ANK3: variants seen among roughly 807,000 people sequenced by gnomAD.
ANK3 encodes ankyrin-3.
ANK3 carries 57 observed loss-of-function variants against 370.9 expected under a neutral mutation model. That is an observed-to-expected ratio of 0.15 (90% CI 0.12 to 0.19). The LOEUF (loss-of-function observed/expected upper bound fraction) is 0.19. Among genes scored for constraint, ANK3 ranks in the 10% least tolerant of loss-of-function variants. ANK3 has a pLI of 1.00. For missense variants in ANK3, 4,439 were observed against 5,302.1 expected, an observed-to-expected ratio of 0.84 and a Z score of 5.06; for synonymous variants, 1,929 against 1,946.3, an observed-to-expected ratio of 0.99 and a Z score of 0.23.
intron 1 of ANK3, among the ~76,000 whole-genome samples, chr10:60,297,628 CTT>C (rs1476158685): frequency 1.3e-5 from 2 of 151,952 alleles, no homozygotes; most frequent in Non-Finnish European, 2.9e-5. Context: ...CTAAAAATGT[CTT>C]AACATTATAA....
intron 1 of ANK3, among the ~76,000 whole-genome samples, chr10:60,703,701 T>C (rs1203253620): frequency 3.9e-5 from 6 of 152,214 alleles, no homozygotes. Context: ...GCTATGTATC[T>C]ACCACCTAGT....
intron 41 of ANK3, 138 bp from the exon 42 acceptor site, chr10:60,056,174 T>G: frequency 1.8e-6 from 2 of 1,081,934 alleles, no homozygotes; most frequent in Non-Finnish European, 2.6e-6. Context: ...GTGTGGCCAC[T>G]GGATTTAAAA....
chr10:60,233,135 T>C (rs1319536261), intron 8 of ANK3, among the ~76,000 whole-genome samples: 1 of 152,238 alleles, frequency 6.6e-6, no homozygotes, highest in African/African-American at 2.4e-5. Flanking sequence ...CTCTGAGATA[T>C]ACTAGCAGTG....
chr10:60,579,326 T>TAAAAAAAAAA (rs763281984), intron 2 of ANK3, among the ~76,000 whole-genome samples: 1 of 69,022 alleles, frequency 1.4e-5, no homozygotes, highest in African/African-American at 6.0e-5. Flanking sequence ...TCTCTCTCAA[T>TAAAAAAAAAA]AAAAAAAAAA....
intron 23 of ANK3, among the ~76,000 whole-genome samples, chr10:60,146,563 A>G (rs2094834857): frequency 1.3e-5 from 2 of 152,076 alleles, no homozygotes; most frequent in Admixed American, 6.6e-5. Context: ...ATCTTGGCTC[A>G]CTGCAACCTC....
intron 27 of ANK3, among the ~76,000 whole-genome samples, chr10:60,107,129 G>T (rs1590087906): frequency 6.6e-6 from 1 of 151,952 alleles, no homozygotes; most frequent in African/African-American, 2.4e-5. Flanking sequence ...TGATAAATAT[G>T]GTCATTTTGC....
intron 23 of ANK3, among the ~76,000 whole-genome samples, chr10:60,150,243 C>T (rs1377841413): frequency 6.6e-6 from 1 of 152,138 alleles, no homozygotes; most frequent in East Asian, 1.9e-4. Flanking sequence ...CCCTTGTCCC[C>T]ACTCCTGTGT....
At chr10:60,631,170 C>T (rs1049448245) in intron 1 of ANK3, among the ~76,000 whole-genome samples, 1 of 152,074 alleles carries the variant, frequency 6.6e-6, no homozygotes, top group Non-Finnish European at 1.5e-5. Context: ...GTAATCAGGG[C>T]TCTATTTTGT....
intron 2 of ANK3, among the ~76,000 whole-genome samples, chr10:60,492,802 C>A (rs2075552839): frequency 6.7e-6 from 1 of 149,718 alleles, no homozygotes; most frequent in South Asian, 2.1e-4. Flanking sequence ...CTGAGCCGGG[C>A]GTGGTGGCTC....
At chr10:60,423,942 A>AT (rs982988595) in intron 2 of ANK3, among the ~76,000 whole-genome samples, 12 of 152,204 alleles carry the variant, frequency 7.9e-5, no homozygotes, top group Admixed American at 7.9e-4. Flanking sequence ...AATAAAGTTA[A>AT]TTTTGAGATT....
At chr10:60,677,788 A>G (rs2079145300) in intron 1 of ANK3, among the ~76,000 whole-genome samples, 1 of 150,898 alleles carries the variant, frequency 6.6e-6, no homozygotes, top group Non-Finnish European at 1.5e-5. Context: ...ACTACCCAAA[A>G]AAAAAAAAAA....
chr10:60,343,450 A>C (rs1231717089), intron 1 of ANK3, among the ~76,000 whole-genome samples: 1 of 152,182 alleles, frequency 6.6e-6, no homozygotes, highest in Non-Finnish European at 1.5e-5. Flanking sequence ...AATTTCAAAA[A>C]ACTAAGTGAT....
intron 2 of ANK3, among the ~76,000 whole-genome samples, chr10:60,450,338 G>A (rs372984875): frequency 3.9e-5 from 6 of 152,136 alleles, no homozygotes; most frequent in East Asian, 1.9e-4. Flanking sequence ...TCTGATTTGC[G>A]GTGTTTGCCA....
chr10:60,605,137 G>T (rs926365338), intron 2 of ANK3, among the ~76,000 whole-genome samples: 4 of 152,128 alleles, frequency 2.6e-5, no homozygotes, highest in African/African-American at 9.7e-5. Context: ...CATTTTAAAA[G>T]CTTGAGCCTG....
At chr10:60,653,911 T>C (rs1438109462) in intron 1 of ANK3, among the ~76,000 whole-genome samples, 5 of 152,178 alleles carry the variant, frequency 3.3e-5, no homozygotes, top group South Asian at 4.1e-4. Context: ...TTGAAATGTT[T>C]ATGGGCATTG....
Position 60,279,565 on chromosome 10 carries a change from A to C in ANK3, c.189T>G (p.Asn63Lys). ...GATTGCAAATGTTGATGTCAACTCC[A>C]TTTTTTATGTAGTCGAGGGCCTTTT... ...HLEKALDYIKNGVDINICNQN... is the reference protein window; with the variant it reads ...HLEKALDYIKKGVDINICNQN... The change falls in exon 2 of 44, where the codon AAT (asparagine) becomes AAG (lysine). Residue 63 changes from asparagine (N) to lysine (K), a missense_variant. Asn to Lys is a moderately conservative substitution (Grantham distance 94, BLOSUM62 0). This residue lies in a region of ANK3 where 136 missense variants were observed against 230.5 expected (regional missense o/e 0.59). Transcript: ENST00000280772. 6.2e-7 allele frequency: 1 copy of C among 1,611,308 alleles called. No individual in the cohort carries two copies. The highest frequency in any genetic ancestry group is 8.5e-7 in the Non-Finnish European group (1 of 1,179,358).
intron 7 of ANK3, among the ~76,000 whole-genome samples, chr10:60,242,888 C>G (rs1447057781): frequency 6.6e-6 from 1 of 152,132 alleles, no homozygotes; most frequent in Admixed American, 6.6e-5. Flanking sequence ...TTTGAAGACC[C>G]TAAAAATGAA....
chr10:60,624,344 G>A (rs2078379633), intron 1 of ANK3, among the ~76,000 whole-genome samples: 1 of 152,104 alleles, frequency 6.6e-6, no homozygotes, highest in Admixed American at 6.6e-5. Context: ...ACCAAGGCTT[G>A]GGTGTGCTTC....
intron 1 of ANK3, among the ~76,000 whole-genome samples, chr10:60,683,913 CAGAA>C (rs1220068219): frequency 3.3e-5 from 5 of 152,100 alleles, no homozygotes; most frequent in Non-Finnish European, 5.9e-5. Flanking sequence ...GATGGACAGA[CAGAA>C]GGAAGGAAGA....
Sources: allele counts gnomAD v4.1 joint callset (sites outside exome capture counted in the v4.1 genomes callset), GRCh38; gene constraint gnomAD v4.1.1; regional missense constraint gnomAD v4.1.1; transcripts MANE v1.5; gene names NCBI Gene and HGNC (gene_info 2026-07-23, HGNC 2026-07-21).